ZNF804A: variants seen among roughly 807,000 people sequenced by gnomAD.
ZNF804A encodes the protein zinc finger protein 804A.
A neutral mutation model predicts 16.5 loss-of-function variants in ZNF804A; 2 were observed. The ratio of observed to expected loss-of-function variants is 0.12; its 90% CI spans 0.05 to 0.38. ZNF804A has a LOEUF of 0.38. ZNF804A is among the 10% of genes least tolerant of loss of function. ZNF804A has a pLI of 0.99. For synonymous variants in ZNF804A, 534 were observed against 489.6 expected, an observed-to-expected ratio of 1.09 and a Z score of -1.20; for missense variants, 1,473 against 1,390.7, an observed-to-expected ratio of 1.06 and a Z score of -0.94.
chr2:184,882,303 G>A (rs760351760), intron 2 of ZNF804A, among the ~76,000 whole-genome samples: 1 of 151,980 alleles, frequency 6.6e-6, no homozygotes, highest in African/African-American at 2.4e-5. Context: ...GATTCATAAA[G>A]CAAGTTCCTA....
At chr2:184,641,825 C>A (rs1691800698) in intron 1 of ZNF804A, among the ~76,000 whole-genome samples, 1 of 152,080 alleles carries the variant, frequency 6.6e-6, no homozygotes, top group South Asian at 2.1e-4. Flanking sequence ...CAGAGATAAG[C>A]TATTTACAAT....
At chr2:184,883,101 A>G (rs549207514) in intron 2 of ZNF804A, among the ~76,000 whole-genome samples, 3 of 152,168 alleles carry the variant, frequency 2.0e-5, no homozygotes, top group East Asian at 3.9e-4. Context: ...AACAAAGTAT[A>G]TTACTACTGA....
chr2:184,834,619 C>T (rs1695315132), intron 1 of ZNF804A, among the ~76,000 whole-genome samples: 1 of 152,114 alleles, frequency 6.6e-6, no homozygotes, highest in African/African-American at 2.4e-5. Flanking sequence ...TCTAGTCCAA[C>T]ATGCAACAAA....
chr2:184,896,086 C>T (rs1261918763), intron 2 of ZNF804A, among the ~76,000 whole-genome samples: 1 of 151,652 alleles, frequency 6.6e-6, no homozygotes, highest in Non-Finnish European at 1.5e-5. Context: ...TGTTTTTTTT[C>T]TGAAAATTTT....
At chr2:184,892,528 A>G (rs958268419) in intron 2 of ZNF804A, among the ~76,000 whole-genome samples, 1 of 119,740 alleles carries the variant, frequency 8.4e-6, no homozygotes, top group Non-Finnish European at 1.6e-5. Flanking sequence ...TCTGTTGCCT[A>G]GGCTGGAGTG....
At chr2:184,830,535 TTTG>T (rs1240164898) in intron 1 of ZNF804A, among the ~76,000 whole-genome samples, 4 of 152,116 alleles carry the variant, frequency 2.6e-5, no homozygotes, top group African/African-American at 9.6e-5. Flanking sequence ...GACAGGCATT[TTTG>T]AGAGGTGATT....
intron 1 of ZNF804A, among the ~76,000 whole-genome samples, chr2:184,639,135 G>A (rs962573539): frequency 2.2e-4 from 32 of 144,322 alleles, no homozygotes; most frequent in African/African-American, 7.0e-4. Flanking sequence ...GGGCAACGGC[G>A]TGCTCTCGGC....
chr2:184,746,974 G>T lies in ZNF804A; in HGVS notation c.112-119395G>T, dbSNP rs368273533. 4.0e-5 allele frequency among the ~76,000 whole-genome samples: 6 copies of T among 151,458 alleles called. No homozygotes were observed. The East Asian group carries it at 9.7e-4, about 25-fold the overall frequency. On this transcript the variant is annotated intron_variant, in intron 1 of 3. Coordinates refer to ENST00000302277, the MANE Select transcript of ZNF804A (RefSeq NM_194250.2). ...AGTTCATTTCAGACAATCGACAAAAGATTGCATGTTTTACTTGAAGCTCTG... is the reference window on the plus strand; with the variant it reads ...AGTTCATTTCAGACAATCGACAAAATATTGCATGTTTTACTTGAAGCTCTG...
intron 2 of ZNF804A, among the ~76,000 whole-genome samples, chr2:184,886,893 A>G (rs1289674128): frequency 6.6e-6 from 1 of 152,220 alleles, no homozygotes; most frequent in Non-Finnish European, 1.5e-5. Flanking sequence ...AGGGTCTCTG[A>G]CATGGCCTGG....
At chr2:184,647,416 G>C (rs1691896197) in intron 1 of ZNF804A, among the ~76,000 whole-genome samples, 1 of 152,152 alleles carries the variant, frequency 6.6e-6, no homozygotes, top group African/African-American at 2.4e-5. Flanking sequence ...ACTTATAAAT[G>C]ATGGATAAAG....
intron 2 of ZNF804A, among the ~76,000 whole-genome samples, chr2:184,880,639 C>T (rs567707337): frequency 4.6e-5 from 7 of 151,994 alleles, no homozygotes; most frequent in Admixed American, 3.9e-4. Context: ...CTGTTGTGTG[C>T]TGCTGTAACA....
intron 1 of ZNF804A, among the ~76,000 whole-genome samples, chr2:184,642,938 G>A (rs141309804): frequency 6.6e-5 from 10 of 152,164 alleles, no homozygotes; most frequent in South Asian, 2.1e-4. Context: ...AAGAGAATAC[G>A]TGTTAATTGA....
At chr2:184,667,780 G>A (rs1054283323) in intron 1 of ZNF804A, among the ~76,000 whole-genome samples, 32 of 151,762 alleles carry the variant, frequency 2.1e-4, no homozygotes, top group Admixed American at 8.5e-4. Flanking sequence ...TCACATATAA[G>A]AGAATTCTTG....
At chr2:184,867,038 T>TATG (rs1168098762) in intron 2 of ZNF804A, among the ~76,000 whole-genome samples, 1 of 151,860 alleles carries the variant, frequency 6.6e-6, no homozygotes, top group Non-Finnish European at 1.5e-5. Flanking sequence ...GATTGAGTAC[T>TATG]TAATATATCT....
chr2:184,599,816 A>G (rs1691017445), intron 1 of ZNF804A, among the ~76,000 whole-genome samples: 1 of 152,084 alleles, frequency 6.6e-6, no homozygotes, highest in Non-Finnish European at 1.5e-5. Flanking sequence ...GATTGGTGGG[A>G]GAAGATGTAC....
At chr2:184,673,761 T>C (rs1692376935) in intron 1 of ZNF804A, among the ~76,000 whole-genome samples, 1 of 152,192 alleles carries the variant, frequency 6.6e-6, no homozygotes, top group Admixed American at 6.5e-5. Context: ...AAGGGAAAAC[T>C]ATTGTGGTAG....
intron 1 of ZNF804A, among the ~76,000 whole-genome samples, chr2:184,755,223 T>A (rs1693940704): frequency 6.6e-6 from 1 of 151,940 alleles, no homozygotes; most frequent in South Asian, 2.1e-4. Context: ...ACTATATGAT[T>A]CGTGAGCGTG....
intron 2 of ZNF804A, among the ~76,000 whole-genome samples, chr2:184,908,898 C>T (rs1685318640): frequency 6.6e-6 from 1 of 152,072 alleles, no homozygotes; most frequent in Non-Finnish European, 1.5e-5. Context: ...CAGATTAGCA[C>T]TGGAGTCCTA....
At chr2:184,692,681 C>T (rs1292797564) in intron 1 of ZNF804A, among the ~76,000 whole-genome samples, 1 of 152,112 alleles carries the variant, frequency 6.6e-6, no homozygotes, top group African/African-American at 2.4e-5. Context: ...TATTGATTTT[C>T]CCATAAGGGT....
Sources: gnomAD v4.1 joint callset for allele counts (sites outside exome capture counted in the v4.1 genomes callset) on GRCh38, gnomAD v4.1.1 for gene constraint, MANE v1.5 for transcripts, NCBI Gene and HGNC (gene_info 2026-07-23, HGNC 2026-07-21) for gene names.